ABTB1: variants seen among roughly 807,000 people sequenced by gnomAD.
The protein encoded by ABTB1 is ankyrin repeat and BTB domain containing 1.
Under a neutral mutation model 57.1 loss-of-function variants are expected in ABTB1, and 45 were observed. The observed-to-expected ratio is 0.79, with a 90% CI of 0.62 to 1.01. ABTB1 has a LOEUF of 1.01. Among genes scored for constraint, ABTB1 ranks in the 50% least tolerant of loss-of-function variants. The pLI, the probability that ABTB1 is intolerant of heterozygous loss-of-function variation, is 0.00. For synonymous variants in ABTB1, 302 were observed against 275.4 expected (o/e 1.10, Z -0.95); for missense variants, 630 against 666.3 (o/e 0.95, Z 0.60).
intron 10 of ABTB1, chr3:127,679,680 G>C: frequency 3.6e-6 from 2 of 550,378 alleles, no homozygotes; most frequent in Non-Finnish European, 6.9e-6. Context: ...TCAGACCCAG[G>C]TCTGTATAAC....
In ABTB1 at chr3:127,672,989, C is replaced by T. The variant is rs781348372; in HGVS notation, c.-37C>T. The T allele has an allele frequency of 4.6e-6, 7 of 1,531,922 alleles. No homozygotes were observed. The highest frequency in any genetic ancestry group is 3.6e-5 in the South Asian group (3 of 83,716). The allele number at this position is 1,531,922 out of a possible 1,614,324, so 94.9% of individuals were successfully genotyped here. A position where few individuals can be genotyped will look rare whatever the true frequency, so the allele number is the denominator to read the frequency against. On this transcript the variant is annotated 5_prime_UTR_variant, in exon 1 of 12. Transcript: ENST00000232744. Reference sequence around the variant, plus strand: ...ATCCGCCGGGTGCGCGGCTTCGCCGCCCGAGGTCGTTCGGCTCGGGTACCA... The same window carrying T: ...ATCCGCCGGGTGCGCGGCTTCGCCGTCCGAGGTCGTTCGGCTCGGGTACCA...
At position 127,677,497 on chromosome 3, in the gene ABTB1, T is replaced by A; in HGVS notation, c.795T>A (p.Pro265=). ...GDLWELPFPC[P]DGFNSCPDIC... ...TTTGGGAGCTGCCCTTCCCTTGTCC[T>A]GACGGCTTCAACAGCTGCCCTGACA... Residue 265 remains proline (P), a synonymous_variant, in exon 9 of 12, where the codon CCT becomes CCA. Coordinates refer to ENST00000232744, the MANE Select transcript of ABTB1 (RefSeq NM_172027.3). 6.2e-7 allele frequency: 1 copy of A among 1,614,160 alleles called. No individual in the cohort carries two copies. Among genetic ancestry groups the A allele is most frequent in the South Asian group, 1.1e-5 (1 of 91,088 alleles).
chr3:127,676,464 A>G lies in ABTB1; in HGVS notation c.480+33A>G. 2 of 1,614,074 alleles carry G rather than the reference A, an allele frequency of 1.2e-6. No homozygotes were observed. The highest frequency in any genetic ancestry group is 1.7e-6 in the Non-Finnish European group (2 of 1,179,972). ...CCTTCAGGGTGGCAGAGGGGCATGA[A>G]CTGTCCAGGAACAGCAGGAGGTTGT... On this transcript the variant is annotated intron_variant, in intron 5 of 11. Coordinates refer to ENST00000232744, the MANE Select transcript of ABTB1 (RefSeq NM_172027.3). This position sits in a 1 kb window ranked among gnomAD's most constrained non-coding sequence, Gnocchi z 5.4.
chr3:127,680,526 T>C lies in ABTB1; in HGVS notation c.*51T>C. On this transcript the variant is annotated 3_prime_UTR_variant, in exon 12 of 12. Transcript: ENST00000232744. The stretch of plus-strand genomic sequence containing the variant: ...CCAGGAGCTCTCTTGGAGACAAGCA[T>C]GTGTATGCGTTTGTGTGCAGCTCTT... 6.3e-7 allele frequency: 1 copy of C among 1,584,840 alleles called. No individual in the cohort carries two copies.
rs867532549 is a variant in ABTB1 at position 127,680,751 on chromosome 3, T to A, written c.*276T>A. 1 of 671,240 alleles carries A rather than the reference T, an allele frequency of 1.5e-6. No individual in the cohort carries two copies. The highest frequency in any genetic ancestry group is 2.4e-5 in the Admixed American group (1 of 42,164). 41.6% of individuals were successfully genotyped at this position (671,240 alleles called of 1,614,324 possible). ...CCTGGGGTGGGGGTGGGCTTTGGTC[T>A]TAGCACTTTCCTTCTCCAGATCCCC... On this transcript the variant is annotated 3_prime_UTR_variant, in exon 12 of 12. Transcript: ENST00000232744.
At chr3:127,679,616 A>G (rs939076253) in intron 10 of ABTB1, 1 of 479,388 alleles carries the variant, frequency 2.1e-6, no homozygotes, top group East Asian at 6.3e-5. Context: ...TGGACTGGGA[A>G]CTAGAGGCAC....
At chr3:127,680,233 G>A (rs2075098808) in intron 11 of ABTB1, 36 bp from the exon 12 acceptor site, 1 of 1,612,782 alleles carries the variant, frequency 6.2e-7, no homozygotes, top group East Asian at 2.2e-5. Context: ...GAGAGGGCAG[G>A]CACCCCTCCA....
Position 127,679,918 on chromosome 3 carries a change from T to A in ABTB1, c.1030-67T>A, listed in dbSNP as rs1280218845. On this transcript the variant is annotated intron_variant, in intron 10 of 11. Transcript: ENST00000232744. ...CCCCCAACCACCACAGGCCCTAGCC[T>A]TGGCTGTTGTGCCCTGGGAGCCCTT... The A allele has an allele frequency of 2.6e-6, 4 of 1,519,558 alleles. No homozygotes were observed. The East Asian group carries it at 7.0e-5, about 27-fold the overall frequency. The allele number at this position is 1,519,558 out of a possible 1,614,324, so 94.1% of individuals were successfully genotyped here. A position where few individuals can be genotyped will look rare whatever the true frequency, so the allele number is the denominator to read the frequency against.
At chr3:127,679,222 T>G (rs1159505129) in intron 10 of ABTB1, 1 of 256,720 alleles carries the variant, frequency 3.9e-6, no homozygotes, top group Non-Finnish European at 7.9e-6. Flanking sequence ...GGCCAGTTAC[T>G]TAACTGCTCT....
Position 127,677,561 on chromosome 3 carries a change from A to C in ABTB1, c.859A>C (p.Lys287Gln). Reference sequence around the variant, plus strand: ...GGCTGGCTGCAGCTTCCTCTGCCACAAGGTGCCTGTGCCCTCCTGTTGCCC... The same window carrying C: ...GGCTGGCTGCAGCTTCCTCTGCCACCAGGTGCCTGTGCCCTCCTGTTGCCC... ...RVAGCSFLCHKAFFCGRSDYF... is the reference protein window; with the variant it reads ...RVAGCSFLCHQAFFCGRSDYF... The change falls in exon 9 of 12, where the codon AAG becomes CAG. Residue 287 changes from lysine (K) to glutamine (Q), a missense_variant and splice_region_variant. Around this residue, in one of 3 missense-constraint regions of ABTB1, gnomAD observed 579 missense variants for 585.9 expected, o/e 0.99. Coordinates refer to ENST00000232744, the MANE Select transcript of ABTB1 (RefSeq NM_172027.3). The C allele has an allele frequency of 6.2e-7, 1 of 1,613,840 alleles. No homozygotes were observed. The highest frequency in any genetic ancestry group is 8.5e-7 in the Non-Finnish European group (1 of 1,180,002).
Position 127,676,340 on chromosome 3 carries a change from G to C in ABTB1, c.389G>C (p.Arg130Pro). Reference protein sequence around the residue: ...VVHGKPFRVHRCVLGARSAYF... With the variant: ...VVHGKPFRVHPCVLGARSAYF... ...CACGGGAAGCCATTCCGGGTGCATC[G>C]CTGCGTCCTGGGTGCACGTAGTGCC... Residue 130 changes from arginine (R) to proline (P), a missense_variant, in exon 5 of 12, where the codon CGC (arginine) becomes CCC (proline). Arg to Pro is a moderately radical substitution (Grantham distance 103). Transcript: ENST00000232744. The surrounding 1 kb of genome is among the most constrained non-coding windows in gnomAD (Gnocchi z 5.4). 2 of 1,614,108 alleles carry C rather than the reference G, an allele frequency of 1.2e-6. No homozygotes were observed. Among genetic ancestry groups the C allele is most frequent in the Non-Finnish European group, 1.7e-6 (2 of 1,180,012 alleles).
chr3:127,677,423 G>T (rs370857803), intron 8 of ABTB1, 42 bp from the exon 9 acceptor site: 24 of 1,608,858 alleles, frequency 1.5e-5, no homozygotes, highest in Non-Finnish European at 1.6e-5. Flanking sequence ...GTTCACTTCT[G>T]TGAACAACTG....
In ABTB1 at chr3:127,677,810, C is replaced by T. The variant is rs142364881; in HGVS notation, c.996C>T (p.His332=). The change falls in exon 10 of 12, where the codon CAC becomes CAT. Residue 332 remains histidine, a synonymous_variant. Transcript: ENST00000232744. The part of the protein sequence containing the change: ...LHGISPDVFT[H]VLYYMYSDHT... ...GCATCTCACCCGACGTCTTCACTCA[C>T]GTGCTCTACTACATGTACAGCGACC... 2.6e-5 allele frequency: 42 copies of T among 1,612,532 alleles called. No individual in the cohort carries two copies. Among genetic ancestry groups the T allele is most frequent in the Non-Finnish European group, 3.1e-5 (37 of 1,179,734 alleles).
Position 127,674,397 on chromosome 3 carries a change from G to T in ABTB1, c.63G>T (p.Leu21=). The part of the protein sequence containing the change: ...RKGDVGRVRY[L]LEQRDVEVNV... ...TGACCTCCTTCCTGCCCAGGTACCT[G>T]CTGGAGCAGCGAGACGTGGAGGTGA... Residue 21 remains leucine, a synonymous_variant, in exon 2 of 12, where the codon CTG becomes CTT. Transcript: ENST00000232744. 1 of 1,609,396 alleles carries T rather than the reference G, an allele frequency of 6.2e-7. No individual in the cohort carries two copies. The highest frequency in any genetic ancestry group is 2.2e-5 in the East Asian group (1 of 44,766).
At chr3:127,674,670 C>T (rs149015195) in intron 3 of ABTB1, 70 bp downstream of exon 3, 21 of 1,570,410 alleles carry the variant, frequency 1.3e-5, no homozygotes, top group African/African-American at 8.1e-5. Context: ...TGCATGCATG[C>T]GTGCGTGCAT....
chr3:127,679,205 G>T (rs1319881730), intron 10 of ABTB1: 2 of 245,896 alleles, frequency 8.1e-6, no homozygotes, highest in African/African-American at 2.3e-5. Flanking sequence ...TGAGCTTTGT[G>T]ATCTTGGGCC....
rs1250164141 is a variant in ABTB1 at position 127,680,818 on chromosome 3, CT to C, written c.*344del. On this transcript the variant is annotated 3_prime_UTR_variant, in exon 12 of 12. Coordinates refer to ENST00000232744, the MANE Select transcript of ABTB1 (RefSeq NM_172027.3). ...CCAAATCCAGTCCTCTGGCCCTTGC[CT>C]AGCCCTGAATTGCTTCTCTAAGCTG... 3 of 646,218 alleles carry C rather than the reference CT, an allele frequency of 4.6e-6. No homozygotes were observed. Among genetic ancestry groups the C allele is most frequent in the Non-Finnish European group, 8.3e-6 (3 of 363,130 alleles). The allele number at this position is 646,218 out of a possible 1,614,324, so 40.0% of individuals were successfully genotyped here. A position where few individuals can be genotyped will look rare whatever the true frequency, so the allele number is the denominator to read the frequency against.
chr3:127,676,299 C>T lies in ABTB1; in HGVS notation c.348C>T (p.Asp116=), dbSNP rs779438995. The T allele has an allele frequency of 8.7e-6, 14 of 1,613,808 alleles. No individual in the cohort carries two copies. The highest frequency in any genetic ancestry group is 6.7e-5 in the African/African-American group (5 of 74,920). The part of the protein sequence containing the change: ...QRLLEQGIHS[D]VVFVVHGKPF... Reference sequence around the variant, plus strand: ...TTCTAGAGCAGGGCATCCACAGTGACGTGGTCTTTGTAGTACACGGGAAGC... The same window carrying T: ...TTCTAGAGCAGGGCATCCACAGTGATGTGGTCTTTGTAGTACACGGGAAGC... The change falls in exon 5 of 12, where the codon GAC becomes GAT. Residue 116 remains aspartate, a synonymous_variant. Transcript: ENST00000232744. This position sits in a 1 kb window ranked among gnomAD's most constrained non-coding sequence, Gnocchi z 5.4.
Position 127,674,445 on chromosome 3 carries a change from C to T in ABTB1, c.111C>T (p.Ser37=), listed in dbSNP as rs751025720. The change falls in exon 2 of 12, where the codon AGC becomes AGT. Residue 37 remains serine, a synonymous_variant. Transcript: ENST00000232744. ...VEVNVRDKWD[S]TPLYYACLCG... ...TGAATGTGCGGGACAAGTGGGACAG[C>T]ACCCCCTTGTGAGTGCTGGAGAGAG... The T allele has an allele frequency of 1.2e-6, 2 of 1,613,116 alleles. No individual in the cohort carries two copies. Among genetic ancestry groups the T allele is most frequent in the Non-Finnish European group, 8.5e-7 (1 of 1,179,650 alleles).
Sources: gnomAD v4.1 joint callset for allele counts on GRCh38, gnomAD v4.1.1 for gene constraint, gnomAD v4.1.1 regional missense constraint, Gnocchi (gnomAD v3.1) non-coding constraint, MANE v1.5 for transcripts, NCBI Gene and HGNC (gene_info 2026-07-23, HGNC 2026-07-21) for gene names.